MACROD2: variants seen among roughly 807,000 people sequenced by gnomAD.
MACROD2 encodes mono-ADP ribosylhydrolase 2, also known as ADP-ribose glycohydrolase MACROD2.
Under a neutral mutation model 70.4 loss-of-function variants are expected in MACROD2, and 36 were observed. The ratio of observed to expected loss-of-function variants is 0.51; its 90% CI spans 0.39 to 0.68. The LOEUF (loss-of-function observed/expected upper bound fraction) is 0.68, where lower values mean the gene tolerates loss of function less well. Among genes scored for constraint, MACROD2 ranks in the 30% least tolerant of loss-of-function variants. The pLI is 0.00. For synonymous variants in MACROD2, 172 were observed against 178.8 expected, an observed-to-expected ratio of 0.96 and a Z score of 0.30; for missense variants, 496 against 538.4, an observed-to-expected ratio of 0.92 and a Z score of 0.78.
intron 2 of MACROD2, among the ~76,000 whole-genome samples, chr20:14,072,892 T>TGC (rs2053866459): frequency 6.9e-6 from 1 of 145,898 alleles, no homozygotes; most frequent in African/African-American, 2.6e-5. Context: ...TGAGATCGCA[T>TGC]CACTGCACTC....
chr20:14,788,227 G>A (rs1389611695), intron 5 of MACROD2, among the ~76,000 whole-genome samples: 1 of 152,002 alleles, frequency 6.6e-6, no homozygotes, highest in African/African-American at 2.4e-5. Context: ...ACATTAGGGC[G>A]ACTTGCTGCA....
In MACROD2 at chr20:14,145,310, A is replaced by G. The variant is rs573877728; in HGVS notation, c.271+59582A>G. On this transcript the variant is annotated intron_variant, in intron 3 of 17. Coordinates refer to ENST00000684519, the MANE Select transcript of MACROD2 (RefSeq NM_001351661.2). ...CACCTCTTTTCTCAAAGAATTTATA[A>G]CCTCGTCTAGTGTTTGTGGTAGGTA... 3.9e-3 allele frequency among the ~76,000 whole-genome samples: 589 copies of G among 152,158 alleles called. 8 individuals carry two copies. The highest frequency in any genetic ancestry group is 0.013 in the African/African-American group (556 of 41,516).
At chr20:15,075,591 A>G (rs2075651466) in intron 5 of MACROD2, among the ~76,000 whole-genome samples, 3 of 152,182 alleles carry the variant, frequency 2.0e-5, no homozygotes. Context: ...GCTAGTTTCT[A>G]TCCACTCAAA....
intron 8 of MACROD2, among the ~76,000 whole-genome samples, chr20:15,784,698 T>A (rs927863298): frequency 6.6e-6 from 1 of 152,102 alleles, no homozygotes; most frequent in Non-Finnish European, 1.5e-5. Flanking sequence ...GATGAGTGGA[T>A]AGACATATGA....
At chr20:16,016,598 C>T (rs571017574) in intron 15 of MACROD2, among the ~76,000 whole-genome samples, 6 of 152,248 alleles carry the variant, frequency 3.9e-5, no homozygotes, top group East Asian at 1.9e-4. Context: ...CACAGTGGCG[C>T]GATCTCGGCT....
intron 3 of MACROD2, among the ~76,000 whole-genome samples, chr20:14,174,725 C>G (rs1388993303): frequency 2.0e-5 from 3 of 152,284 alleles, no homozygotes; most frequent in Non-Finnish European, 4.4e-5. Flanking sequence ...GAAATTGTTA[C>G]AAAGTTTAGC....
intron 5 of MACROD2, among the ~76,000 whole-genome samples, chr20:14,731,591 T>G (rs1194114938): frequency 6.6e-6 from 1 of 152,172 alleles, no homozygotes; most frequent in Non-Finnish European, 1.5e-5. Flanking sequence ...GTGGCTTCAA[T>G]TTCTATATGA....
At chr20:14,878,971 T>C (rs2073581132) in intron 5 of MACROD2, among the ~76,000 whole-genome samples, 1 of 152,116 alleles carries the variant, frequency 6.6e-6, no homozygotes, top group Non-Finnish European at 1.5e-5. Context: ...AAATGACCCT[T>C]TCTAATTACT....
At chr20:14,737,879 A>T (rs2071686729) in intron 5 of MACROD2, among the ~76,000 whole-genome samples, 1 of 152,092 alleles carries the variant, frequency 6.6e-6, no homozygotes, top group Non-Finnish European at 1.5e-5. Context: ...ATAGTTTTCT[A>T]TAGCTAGGAA....
At chr20:14,747,393 T>C (rs1228890651) in intron 5 of MACROD2, among the ~76,000 whole-genome samples, 2 of 152,094 alleles carry the variant, frequency 1.3e-5, no homozygotes, top group Non-Finnish European at 2.9e-5. Flanking sequence ...TGTTTATAAG[T>C]TGTCAGGATG....
chr20:14,322,390 A>C lies in MACROD2; in HGVS notation c.272-171089A>C, dbSNP rs1430065279. 2.2e-5 allele frequency among the ~76,000 whole-genome samples: 3 copies of C among 139,002 alleles called. No individual in the cohort carries two copies. In the Admixed American group the frequency reaches 2.3e-4, roughly 11 times the overall value. The allele number at this position is 139,002 out of a possible 152,430, so 91.2% of individuals were successfully genotyped here. On this transcript the variant is annotated intron_variant, in intron 3 of 17. Coordinates refer to ENST00000684519, the MANE Select transcript of MACROD2 (RefSeq NM_001351661.2). ...GCTCATGAAAGGTATACTGACTGGA[A>C]AATATCAATATAATCTCTTTTTTTT... is the stretch of plus-strand genomic sequence containing the variant.
Position 14,317,926 on chromosome 20 carries a change from A to G in MACROD2, c.272-175553A>G, listed in dbSNP as rs565963040. The stretch of plus-strand genomic sequence containing the variant: ...ACAAATGGTAGGGTCTGTAGCAGCA[A>G]CAACGTAATCAGCAGGCACTTATTA... On this transcript the variant is annotated intron_variant, in intron 3 of 17. Coordinates refer to ENST00000684519, the MANE Select transcript of MACROD2 (RefSeq NM_001351661.2). Among the ~76,000 whole-genome samples the G allele has an allele frequency of 2.0e-4, 30 of 152,346 alleles. 1 individual carries two copies. Among genetic ancestry groups the G allele is most frequent in the Admixed American group, 1.5e-3 (23 of 15,302 alleles).
intron 4 of MACROD2, among the ~76,000 whole-genome samples, chr20:14,594,727 A>G (rs1231719939): frequency 1.3e-5 from 2 of 152,178 alleles, no homozygotes; most frequent in Admixed American, 6.5e-5. Context: ...CCCTGTCTCT[A>G]TTAAAAATAC....
chr20:15,277,926 G>C (rs1379519140), intron 6 of MACROD2, among the ~76,000 whole-genome samples: 1 of 152,164 alleles, frequency 6.6e-6, no homozygotes, highest in African/African-American at 2.4e-5. Flanking sequence ...AGATCCCTCT[G>C]TGGTGATGAA....
intron 6 of MACROD2, among the ~76,000 whole-genome samples, chr20:15,295,856 T>G (rs373026897): frequency 3.4e-4 from 52 of 152,230 alleles, no homozygotes; most frequent in African/African-American, 1.3e-3. Context: ...CCTGTACAGA[T>G]AGCTCATAAT....
chr20:14,596,090 A>T (rs1010461207), intron 4 of MACROD2, among the ~76,000 whole-genome samples: 2 of 151,202 alleles, frequency 1.3e-5, no homozygotes, highest in African/African-American at 4.8e-5. Flanking sequence ...TATATATGTA[A>T]TTTTTTTATT....
chr20:14,666,252 TA>T (rs1325306041), intron 4 of MACROD2, among the ~76,000 whole-genome samples: 7 of 152,168 alleles, frequency 4.6e-5, no homozygotes, highest in African/African-American at 1.7e-4. Context: ...CCCCAAATAA[TA>T]ACTTTCTCCA....
intron 8 of MACROD2, among the ~76,000 whole-genome samples, chr20:15,683,046 G>A (rs1253881373): frequency 6.6e-6 from 1 of 152,180 alleles, no homozygotes; most frequent in African/African-American, 2.4e-5. Flanking sequence ...ATCAGAGATT[G>A]ATGAACAATT....
chr20:15,843,895 A>G (rs2064201156), intron 8 of MACROD2, among the ~76,000 whole-genome samples: 1 of 152,100 alleles, frequency 6.6e-6, no homozygotes, highest in South Asian at 2.1e-4. Flanking sequence ...GTTGGACATC[A>G]GTAATGGTTG....
Sources: gnomAD v4.1 joint callset for allele counts (sites outside exome capture counted in the v4.1 genomes callset) on GRCh38, gnomAD v4.1.1 for gene constraint, MANE v1.5 for transcripts, NCBI Gene and HGNC (gene_info 2026-07-23, HGNC 2026-07-21) for gene names.